Variants in GRID2 observed in about 807,000 individuals in gnomAD.
The protein encoded by GRID2 is glutamate ionotropic receptor delta type subunit 2.
Under a neutral mutation model 114.8 loss-of-function variants are expected in GRID2, and 33 were observed. That is an observed-to-expected ratio of 0.29 (90% CI 0.22 to 0.38). The LOEUF is 0.38. Among genes scored for constraint, GRID2 ranks in the 10% least tolerant of loss-of-function variants. The pLI is 1.00. For missense variants in GRID2, 1,184 were observed against 1,257.7 expected (o/e 0.94, Z 0.89); for synonymous variants, 505 against 449.9 (o/e 1.12, Z -1.55).
At chr4:92,400,067 T>C (rs1356431959) in intron 1 of GRID2, among the ~76,000 whole-genome samples, 1 of 152,162 alleles carries the variant, frequency 6.6e-6, no homozygotes, top group Non-Finnish European at 1.5e-5. Context: ...AGCTATAACC[T>C]GTCTCATTCA....
intron 8 of GRID2, among the ~76,000 whole-genome samples, chr4:93,333,197 G>C (rs535562038): frequency 6.6e-6 from 1 of 152,120 alleles, no homozygotes; most frequent in East Asian, 1.9e-4. Flanking sequence ...TCATTCTAGA[G>C]TAGCACTTTT....
intron 2 of GRID2, among the ~76,000 whole-genome samples, chr4:93,011,824 T>G (rs971200898): frequency 6.6e-6 from 1 of 152,070 alleles, no homozygotes; most frequent in African/African-American, 2.4e-5. Flanking sequence ...TATATTGCTA[T>G]CCAATAGAAA....
intron 14 of GRID2, among the ~76,000 whole-genome samples, chr4:93,766,944 C>T (rs143862220): frequency 7.7e-4 from 117 of 152,250 alleles, no homozygotes; most frequent in African/African-American, 2.5e-3. Context: ...CACCTATCGA[C>T]GAGCAATACC....
At chr4:93,777,587 A>G (rs1262109675), downstream of GRID2, among the ~76,000 whole-genome samples, 1 of 152,236 alleles carries the variant, frequency 6.6e-6, no homozygotes, top group East Asian at 1.9e-4. Context: ...GGAGAAACCC[A>G]ATACATTCCT....
chr4:93,662,108 T>G (rs1349711103), intron 14 of GRID2, among the ~76,000 whole-genome samples: 1 of 152,180 alleles, frequency 6.6e-6, no homozygotes, highest in Non-Finnish European at 1.5e-5. Flanking sequence ...ACCGCCTTAC[T>G]TACTTCTGCC....
chr4:93,709,728 A>G lies in GRID2; in HGVS notation c.2361-59482A>G, dbSNP rs62319372. On this transcript the variant is annotated intron_variant, in intron 14 of 15. Transcript: ENST00000282020. ...GCCAATAACTTAGATTTGCCCCTTT[A>G]AGGCTATTTTCTGTATCTCTTAGGT... Among the ~76,000 whole-genome samples, 295 of 152,160 alleles carry G rather than the reference A, an allele frequency of 1.9e-3. 1 individual carries two copies. The highest frequency in any genetic ancestry group is 3.0e-3 in the Non-Finnish European group (206 of 67,986).
intron 4 of GRID2, among the ~76,000 whole-genome samples, chr4:93,126,502 A>G (rs1056210592): frequency 6.7e-6 from 1 of 148,470 alleles, no homozygotes; most frequent in Non-Finnish European, 1.5e-5. Flanking sequence ...GCCTGTACCT[A>G]GTAGATGTCA....
chr4:93,132,670 G>A (rs181842502), intron 4 of GRID2, among the ~76,000 whole-genome samples: 131 of 152,198 alleles, frequency 8.6e-4, no homozygotes, highest in South Asian at 4.8e-3. Context: ...AAAGATGAAA[G>A]GCTAAAATGT....
At chr4:93,099,827 C>T (rs1731547738) in intron 3 of GRID2, among the ~76,000 whole-genome samples, 1 of 151,778 alleles carries the variant, frequency 6.6e-6, no homozygotes, top group Non-Finnish European at 1.5e-5. Flanking sequence ...GAATGCATTC[C>T]TAAGAATCAC....
intron 1 of GRID2, among the ~76,000 whole-genome samples, chr4:92,584,099 C>T (rs1728310563): frequency 6.6e-6 from 1 of 151,794 alleles, no homozygotes; most frequent in Admixed American, 6.6e-5. Flanking sequence ...CATAATACTG[C>T]TAATTTCTCT....
intron 2 of GRID2, among the ~76,000 whole-genome samples, chr4:92,878,441 G>C (rs1745780353): frequency 1.3e-5 from 2 of 152,058 alleles, no homozygotes; most frequent in African/African-American, 4.8e-5. Context: ...GAGTAATATT[G>C]GTGTCTGTTA....
intron 1 of GRID2, among the ~76,000 whole-genome samples, chr4:92,489,742 C>T (rs571598960): frequency 7.3e-5 from 11 of 151,060 alleles, no homozygotes; most frequent in African/African-American, 1.7e-4. Flanking sequence ...GCTACTCAGG[C>T]GGCTGAGGCA....
At chr4:93,523,444 A>T (rs569003089) in intron 13 of GRID2, among the ~76,000 whole-genome samples, 1 of 152,272 alleles carries the variant, frequency 6.6e-6, no homozygotes, top group South Asian at 2.1e-4. Flanking sequence ...TGCTGATAAT[A>T]AAGTTTCATA....
intron 1 of GRID2, among the ~76,000 whole-genome samples, chr4:92,583,217 A>G (rs1458691452): frequency 1.3e-5 from 2 of 152,054 alleles, no homozygotes; most frequent in Admixed American, 1.3e-4. Flanking sequence ...AAATAAAATA[A>G]TGTCTATGAG....
chr4:93,578,596 T>A (rs887968299), intron 13 of GRID2, among the ~76,000 whole-genome samples: 26 of 138,090 alleles, frequency 1.9e-4, no homozygotes, highest in African/African-American at 7.3e-4. Flanking sequence ...TATTTTTTTT[T>A]TTTTTTTTTT....
intron 1 of GRID2, among the ~76,000 whole-genome samples, chr4:92,456,534 A>G (rs1721226768): frequency 6.6e-6 from 1 of 152,150 alleles, no homozygotes; most frequent in African/African-American, 2.4e-5. Context: ...TAGGTAGTGT[A>G]GAGGATGCAG....
At chr4:93,682,285 G>C (rs982253005) in intron 14 of GRID2, among the ~76,000 whole-genome samples, 6 of 149,336 alleles carry the variant, frequency 4.0e-5, no homozygotes, top group Admixed American at 2.0e-4. Flanking sequence ...GAAACAACAG[G>C]TGCTGGAGAG....
intron 12 of GRID2, among the ~76,000 whole-genome samples, chr4:93,492,543 AG>A (rs1209710348): frequency 1.3e-5 from 2 of 151,810 alleles, no homozygotes; most frequent in African/African-American, 4.8e-5. Flanking sequence ...AGGGATGTAA[AG>A]GATGAAATTC....
intron 2 of GRID2, among the ~76,000 whole-genome samples, chr4:92,602,213 A>G (rs1468838561): frequency 4.6e-5 from 7 of 151,590 alleles, no homozygotes; most frequent in East Asian, 1.9e-4. Context: ...TAAAAAAAAA[A>G]AAAAGAAAAG....
Sources: gnomAD v4.1 joint callset for allele counts (sites outside exome capture counted in the v4.1 genomes callset) on GRCh38, gnomAD v4.1.1 for gene constraint, MANE v1.5 for transcripts, NCBI Gene and HGNC (gene_info 2026-07-23, HGNC 2026-07-21) for gene names.